KIF25: variants seen among roughly 807,000 people sequenced by gnomAD.
KIF25 encodes kinesin-like protein KIF25.
Under a neutral mutation model 32.9 loss-of-function variants are expected in KIF25, and 19 were observed. The ratio of observed to expected loss-of-function variants is 0.58; its 90% CI spans 0.40 to 0.85. The LOEUF (loss-of-function observed/expected upper bound fraction) is 0.85, where lower values mean the gene tolerates loss of function less well. Ranked by LOEUF, KIF25 falls within the 40% of genes least tolerant of loss-of-function variation. The pLI, the probability that KIF25 is intolerant of heterozygous loss-of-function variation, is 0.00. For synonymous variants in KIF25, 225 were observed against 213.7 expected (o/e 1.05, Z -0.46); for missense variants, 485 against 507.0 (o/e 0.96, Z 0.42).
rs1217685567 is a variant in KIF25, at chr6:168,029,735, A to G, written c.92+58A>G. On this transcript the variant is annotated intron_variant, in intron 6 of 12. Transcript: ENST00000643607. Reference sequence around the variant, plus strand: ...GGGTCTGGAGCCGGGTGATGTGCACATGGGGCTCACTTTTCTATTCTTTCT... The same window carrying G: ...GGGTCTGGAGCCGGGTGATGTGCACGTGGGGCTCACTTTTCTATTCTTTCT... 9 of 1,554,248 alleles carry G rather than the reference A, an allele frequency of 5.8e-6. No homozygotes were observed. The African/African-American group carries it at 9.7e-5, about 17-fold the overall frequency.
rs769529455 is a variant in KIF25 at position 168,040,158 on chromosome 6, C to T, written c.588C>T (p.Ser196=). 3.1e-6 allele frequency: 5 copies of T among 1,613,988 alleles called. No individual in the cohort carries two copies. The South Asian group carries it at 4.4e-5, about 14-fold the overall frequency. ...KHPTLVHADS[S]RSHLIITVTL... is the part of the protein sequence containing the mutation. Reference sequence around the variant, plus strand: ...CCACCCTGGTGCACGCGGATTCCTCCAGGTCTCACCTGATAATTACGGTGA... The same window carrying T: ...CCACCCTGGTGCACGCGGATTCCTCTAGGTCTCACCTGATAATTACGGTGA... Residue 196 remains serine (S), a synonymous_variant, in exon 10 of 13, where the codon TCC becomes TCT. Transcript: ENST00000643607.
rs746132511 is a variant in KIF25, at chr6:168,034,034, A to ACTGC, written c.317+5_317+8dup. 1.9e-6 allele frequency: 3 copies of ACTGC among 1,613,994 alleles called. No individual in the cohort carries two copies. The highest frequency in any genetic ancestry group is 2.5e-6 in the Non-Finnish European group (3 of 1,180,004). ...AGAGTGGCTGAGGAGCTCTTCAGGT[A>ACTGC]CTGCCGATGGTGATGAGTGGGGCAG... On this transcript the variant is annotated splice_donor_region_variant and intron_variant, in intron 8 of 12. Coordinates refer to ENST00000643607, the MANE Select transcript of KIF25 (RefSeq NM_030615.4).
At chr6:168,007,374 G>A (rs1798593546) in intron 4 of KIF25, among the ~76,000 whole-genome samples, 1 of 152,138 alleles carries the variant, frequency 6.6e-6, no homozygotes. Flanking sequence ...TTGAATCATT[G>A]CACTCCAGCC....
chr6:168,013,381 G>T (rs1798673049), intron 4 of KIF25, among the ~76,000 whole-genome samples: 1 of 151,988 alleles, frequency 6.6e-6, no homozygotes, highest in Non-Finnish European at 1.5e-5. Context: ...ATGCAGCTGG[G>T]GTTGTGACGT....
At chr6:168,023,570 A>C (rs1394484529) in intron 5 of KIF25, among the ~76,000 whole-genome samples, 1 of 151,240 alleles carries the variant, frequency 6.6e-6, no homozygotes, top group Non-Finnish European at 1.5e-5. Context: ...GCTGGCTAAT[A>C]TTTGTATTTC....
At chr6:168,007,181 C>T (rs1798591006) in intron 4 of KIF25, among the ~76,000 whole-genome samples, 1 of 152,120 alleles carries the variant, frequency 6.6e-6, no homozygotes, top group Admixed American at 6.5e-5. Flanking sequence ...GAGGCCAAGG[C>T]AGATGGATCA....
chr6:168,038,253 A>G (rs1422244742), intron 8 of KIF25, among the ~76,000 whole-genome samples: 1 of 152,202 alleles, frequency 6.6e-6, no homozygotes, highest in Non-Finnish European at 1.5e-5. Flanking sequence ...GACCACAGCC[A>G]TGGGATAGTC....
At chr6:167,999,818 A>G (rs991272340) in intron 2 of KIF25, among the ~76,000 whole-genome samples, 1 of 152,108 alleles carries the variant, frequency 6.6e-6, no homozygotes, top group African/African-American at 2.4e-5. Context: ...AAGTTCATTT[A>G]CTCAAATGCT....
chr6:168,040,337 G>A lies in KIF25; in HGVS notation c.646+121G>A, dbSNP rs1010331631. Reference sequence around the variant, plus strand: ...TCCCAGCACTTTGGGAGACTGAGGCGGGTGGATCACCTGAGGTCAAGAGTT... The same window carrying A: ...TCCCAGCACTTTGGGAGACTGAGGCAGGTGGATCACCTGAGGTCAAGAGTT... On this transcript the variant is annotated intron_variant, in intron 10 of 12. Coordinates refer to ENST00000643607, the MANE Select transcript of KIF25 (RefSeq NM_030615.4). 112 of 993,834 alleles carry A rather than the reference G, an allele frequency of 1.1e-4. 3 individuals carry two copies. The highest frequency in any genetic ancestry group is 4.8e-4 in the South Asian group (27 of 55,910). 61.6% of individuals were successfully genotyped at this position (993,834 alleles called of 1,614,324 possible).
At chr6:168,040,264 A>G in intron 10 of KIF25, 48 bp downstream of exon 10, 1 of 1,559,650 alleles carries the variant, frequency 6.4e-7, no homozygotes, top group Non-Finnish European at 8.7e-7. Context: ...AGAAAAACCC[A>G]CTTAAGAAGA....
chr6:168,019,462 GA>G (rs1265195538), intron 5 of KIF25, among the ~76,000 whole-genome samples: 1 of 152,112 alleles, frequency 6.6e-6, no homozygotes, highest in African/African-American at 2.4e-5. Flanking sequence ...ATCTGGAGAT[GA>G]AAAAAATGCC....
chr6:168,042,985 C>T (rs1799152867), intron 12 of KIF25, among the ~76,000 whole-genome samples: 1 of 152,220 alleles, frequency 6.6e-6, no homozygotes, highest in African/African-American at 2.4e-5. Context: ...TGGCCTTTCT[C>T]TTCACCAGGG....
At chr6:168,005,089 G>A (rs879829402) in intron 4 of KIF25, among the ~76,000 whole-genome samples, 3 of 152,098 alleles carry the variant, frequency 2.0e-5, no homozygotes, top group Admixed American at 6.5e-5. Flanking sequence ...TGGTGTGCAC[G>A]AGCCACCTGT....
chr6:168,041,110 T>C (rs949171402), intron 10 of KIF25, among the ~76,000 whole-genome samples: 3 of 152,190 alleles, frequency 2.0e-5, no homozygotes, highest in African/African-American at 7.2e-5. Context: ...CATGAGACTG[T>C]AGTCCCATCA....
chr6:168,040,526 A>G (rs1345066410), intron 10 of KIF25, among the ~76,000 whole-genome samples: 2 of 152,040 alleles, frequency 1.3e-5, no homozygotes, highest in African/African-American at 4.8e-5. Flanking sequence ...AGATTGTGCC[A>G]TTGCATTCCA....
intron 4 of KIF25, among the ~76,000 whole-genome samples, chr6:168,012,777 T>C (rs227242): frequency 0.24 from 37,186 of 151,924 alleles, 5,047 homozygotes; most frequent in Non-Finnish European, 0.34. Context: ...CACAGCTGCG[T>C]GACTGCTTGG....
rs1798457012 is a variant in KIF25, at chr6:167,998,790, G to C, written c.-679G>C. On this transcript the variant is annotated 5_prime_UTR_variant, in exon 1 of 13. An upstream start codon of the reference 5' UTR is lost. Coordinates refer to ENST00000643607, the MANE Select transcript of KIF25 (RefSeq NM_030615.4). ...TTCATGGCCGGGCACGGTGGCTCATGCCTATAATCCCAGAACTTTGGGAGG... is the reference window on the plus strand; with the variant it reads ...TTCATGGCCGGGCACGGTGGCTCATCCCTATAATCCCAGAACTTTGGGAGG... 1 of 152,208 alleles carries C rather than the reference G, an allele frequency of 6.6e-6. No individual in the cohort carries two copies. Among genetic ancestry groups the C allele is most frequent in the East Asian group, 1.9e-4 (1 of 5,198 alleles). 9.4% of individuals were successfully genotyped at this position (152,208 alleles called of 1,614,324 possible). A position where few individuals can be genotyped will look rare whatever the true frequency, so the allele number is the denominator to read the frequency against.
chr6:168,019,233 G>A (rs1455014225), intron 5 of KIF25, among the ~76,000 whole-genome samples: 2 of 152,166 alleles, frequency 1.3e-5, no homozygotes, highest in Non-Finnish European at 2.9e-5. Context: ...AGCAAAGTCT[G>A]ACATCAAAAA....
chr6:168,029,495 T>C lies in KIF25; in HGVS notation c.-91T>C, dbSNP rs1271708106. ...TTCAAGTCATGATCCTTTACAGATA[T>C]ACTGGCCTTCCCAGCTGACATGGAC... On this transcript the variant is annotated 5_prime_UTR_variant, in exon 6 of 13. Transcript: ENST00000643607. 8 of 1,549,718 alleles carry C rather than the reference T, an allele frequency of 5.2e-6. No individual in the cohort carries two copies. The highest frequency in any genetic ancestry group is 7.0e-6 in the Non-Finnish European group (8 of 1,149,496).
Sources: gnomAD v4.1 joint callset for allele counts (sites outside exome capture counted in the v4.1 genomes callset) on GRCh38, gnomAD v4.1.1 for gene constraint, MANE v1.5 for transcripts, NCBI Gene and HGNC (gene_info 2026-07-23, HGNC 2026-07-21) for gene names.